The following NSUN6 variants were observed in gnomAD, a reference collection of about 807,000 sequenced individuals.
NSUN6 encodes NOP2/Sun RNA methyltransferase 6, also known as tRNA (cytosine(72)-C(5))-methyltransferase NSUN6.
A neutral mutation model predicts 58.0 loss-of-function variants in NSUN6; 64 were observed. That is an observed-to-expected ratio of 1.10 (90% CI 0.90 to 1.36). The LOEUF is 1.36. NSUN6 is among the 40% of genes most tolerant of loss of function. The probability of loss-of-function intolerance (pLI) is 0.00; values close to 1 mark genes in which losing one functional copy is unlikely to be tolerated. For missense variants in NSUN6, 701 were observed against 550.1 expected (o/e 1.27, Z -2.74); for synonymous variants, 231 against 193.9 (o/e 1.19, Z -1.59).
intron 8 of NSUN6, among the ~76,000 whole-genome samples, chr10:18,572,222 C>G (rs1446530239): frequency 6.9e-6 from 1 of 145,788 alleles, no homozygotes; most frequent in African/African-American, 2.5e-5. Context: ...TCATTGTTCA[C>G]TCCATTCCCT....
At position 18,545,875 on chromosome 10, in the gene NSUN6, A is replaced by AAAAAAAAC. The variant is rs919863718; in HGVS notation, c.*57_*58insGTTTTTTT. On this transcript the variant is annotated 3_prime_UTR_variant, in exon 11 of 11. Transcript: ENST00000377304. The stretch of plus-strand genomic sequence containing the variant: ...GCCTGACAACACTTTGGTTAAAAAA[A>AAAAAAAAC]AAAAAACCACAGACAGCAAATGTTT... 2.4e-5 allele frequency: 26 copies of AAAAAAAAC among 1,065,294 alleles called. No individual in the cohort carries two copies. Among genetic ancestry groups the AAAAAAAAC allele is most frequent in the South Asian group, 5.5e-5 (4 of 73,248 alleles). 66.0% of individuals were successfully genotyped at this position (1,065,294 alleles called of 1,614,324 possible).
At chr10:18,555,906 A>AGAATGGAATGGAATGGAATGGAATG (rs142462616) in intron 8 of NSUN6, among the ~76,000 whole-genome samples, 30 of 140,636 alleles carry the variant, frequency 2.1e-4, no homozygotes, top group African/African-American at 7.4e-4. Context: ...AATGGAATGG[A>AGAATGGAATGGAATGGAATGGAATG]GAATGGAATG....
chr10:18,625,720 TAAA>T (rs71402188), intron 3 of NSUN6, among the ~76,000 whole-genome samples: 2,753 of 54,048 alleles, frequency 0.051, 81 homozygotes, highest in Non-Finnish European at 0.07. Context: ...GTTTTTTTTT[TAAA>T]AAAAAAAAAA....
At chr10:18,656,213 G>C (rs1311384195), upstream of NSUN6, among the ~76,000 whole-genome samples, 2 of 152,134 alleles carry the variant, frequency 1.3e-5, no homozygotes, top group African/African-American at 2.4e-5. Flanking sequence ...ACCTAATCTG[G>C]AGACTGATCA....
upstream of NSUN6, chr10:18,652,526 A>T: frequency 1.0e-6 from 1 of 983,112 alleles, no homozygotes. Context: ...AATGACCATT[A>T]TACCACACAA....
chr10:18,639,960 A>C (rs2059341676), intron 3 of NSUN6, among the ~76,000 whole-genome samples: 1 of 152,224 alleles, frequency 6.6e-6, no homozygotes, highest in African/African-American at 2.4e-5. Context: ...TGCTTATGCA[A>C]GTACACAAAT....
At chr10:18,628,046 C>T (rs981337400) in intron 3 of NSUN6, among the ~76,000 whole-genome samples, 5 of 152,220 alleles carry the variant, frequency 3.3e-5, no homozygotes, top group East Asian at 1.9e-4. Flanking sequence ...TCTCCCAGCA[C>T]GCAGCTGGAG....
At chr10:18,594,830 A>T (rs1319874685) in intron 7 of NSUN6, among the ~76,000 whole-genome samples, 1 of 152,196 alleles carries the variant, frequency 6.6e-6, no homozygotes, top group Non-Finnish European at 1.5e-5. Context: ...AATATCCAAT[A>T]TGCTGTCACT....
At chr10:18,587,541 G>T (rs549733836) in intron 7 of NSUN6, among the ~76,000 whole-genome samples, 5 of 152,254 alleles carry the variant, frequency 3.3e-5, no homozygotes, top group African/African-American at 1.2e-4. Context: ...AGCTCCCAGC[G>T]AGACCAATGC....
intron 8 of NSUN6, among the ~76,000 whole-genome samples, chr10:18,568,193 C>A (rs746860203): frequency 8.6e-5 from 13 of 150,882 alleles, no homozygotes; most frequent in Middle Eastern, 3.4e-3. Context: ...TTCTCCATTC[C>A]ACAAAATTCA....
intron 8 of NSUN6, among the ~76,000 whole-genome samples, chr10:18,565,719 T>G (rs1474902181): frequency 6.6e-6 from 1 of 150,452 alleles, no homozygotes; most frequent in Non-Finnish European, 1.5e-5. Flanking sequence ...TTCCATTCTC[T>G]ATTATATTCA....
intron 4 of NSUN6, 86 bp from the exon 5 acceptor site, chr10:18,614,699 T>G: frequency 4.6e-5 from 26 of 566,148 alleles, no homozygotes; most frequent in Non-Finnish European, 6.4e-5. Context: ...CGGTGATCTC[T>G]AGAGGCATCA....
At chr10:18,614,381 A>G (rs764123815) in intron 5 of NSUN6, 79 bp downstream of exon 5, 22 of 839,884 alleles carry the variant, frequency 2.6e-5, no homozygotes, top group Non-Finnish European at 3.8e-5. Context: ...TAATGCAACT[A>G]GATACATTTT....
chr10:18,575,378 T>C (rs1279519961), intron 8 of NSUN6, among the ~76,000 whole-genome samples: 2 of 152,324 alleles, frequency 1.3e-5, no homozygotes, highest in East Asian at 1.9e-4. Flanking sequence ...AAATATTTAC[T>C]AGTGATAGTA....
At chr10:18,594,042 A>C (rs1242846907) in intron 7 of NSUN6, among the ~76,000 whole-genome samples, 1 of 151,970 alleles carries the variant, frequency 6.6e-6, no homozygotes, top group African/African-American at 2.4e-5. Context: ...TCTACTAAAA[A>C]TACAAAAATT....
intron 1 of NSUN6, among the ~76,000 whole-genome samples, chr10:18,650,838 G>A (rs2059683005): frequency 6.6e-6 from 1 of 152,248 alleles, no homozygotes; most frequent in Non-Finnish European, 1.5e-5. Flanking sequence ...AGTTCTTGAA[G>A]ACAGGGACCT....
Position 18,559,142 on chromosome 10 carries a change from G to GAGAATGGAATGC in NSUN6, c.923-7183_923-7172dup, listed in dbSNP as rs556345030. Among the ~76,000 whole-genome samples the GAGAATGGAATGC allele has an allele frequency of 5.3e-5, 8 of 150,882 alleles. No individual in the cohort carries two copies. In the East Asian group the frequency reaches 1.6e-3, roughly 30 times the overall value. ...ATGGAACGAAGAGTGGAATGAAATG[G>GAGAATGGAATGC]AGAATGGAATGCAGAATGGAATGGA... is the stretch of plus-strand genomic sequence containing the variant. On this transcript the variant is annotated intron_variant, in intron 8 of 10. Transcript: ENST00000377304.
chr10:18,610,938 T>C (rs2058210714), intron 5 of NSUN6, among the ~76,000 whole-genome samples: 1 of 152,178 alleles, frequency 6.6e-6, no homozygotes, highest in Non-Finnish European at 1.5e-5. Flanking sequence ...GCACAGTGGC[T>C]TATGCCTGTA....
At chr10:18,577,439 ACTT>A (rs1290614890) in intron 8 of NSUN6, among the ~76,000 whole-genome samples, 6 of 152,010 alleles carry the variant, frequency 3.9e-5, no homozygotes, top group South Asian at 2.1e-4. Flanking sequence ...TAATGGGTGT[ACTT>A]CTTCTTCTTG....
Sources: allele counts gnomAD v4.1 joint callset (sites outside exome capture counted in the v4.1 genomes callset), GRCh38; gene constraint gnomAD v4.1.1; transcripts MANE v1.5; gene names NCBI Gene and HGNC (gene_info 2026-07-23, HGNC 2026-07-21).